The following HPS5 variants were observed in gnomAD, a reference collection of about 807,000 sequenced individuals.
The protein encoded by HPS5 is BLOC-2 complex member HPS5.
A neutral mutation model predicts 128.0 loss-of-function variants in HPS5; 83 were observed. The observed-to-expected ratio is 0.65, with a 90% CI of 0.54 to 0.78. HPS5 has a LOEUF of 0.78. HPS5 is among the 30% of genes least tolerant of loss of function. The pLI is 0.00. For missense variants in HPS5, 1,281 were observed against 1,326.2 expected (o/e 0.97, Z 0.53); for synonymous variants, 475 against 470.2 (o/e 1.01, Z -0.13).
chr11:18,310,689 A>T, intron 5 of HPS5, 52 bp downstream of exon 5: 1 of 1,381,682 alleles, frequency 7.2e-7, no homozygotes, highest in Admixed American at 1.9e-5. Context: ...AAGTTTTATA[A>T]GACAACACCT....
At chr11:18,312,065 C>T (rs1456504220) in intron 2 of HPS5, 41 bp from the exon 3 acceptor site, 2 of 1,437,496 alleles carry the variant, frequency 1.4e-6, no homozygotes, top group Non-Finnish European at 2.0e-6. Flanking sequence ...ATCACAGCTA[C>T]TTAACCAAAT....
At chr11:18,283,329 A>G (rs778700810) in intron 21 of HPS5, among the ~76,000 whole-genome samples, 4 of 94,890 alleles carry the variant, frequency 4.2e-5, no homozygotes, top group Non-Finnish European at 7.5e-5. Flanking sequence ...ATGGGAAATT[A>G]AAAAAAAAAA....
chr11:18,293,090 C>A, intron 14 of HPS5, 114 bp from the exon 15 acceptor site: 1 of 806,728 alleles, frequency 1.2e-6, no homozygotes, highest in South Asian at 1.4e-5. Context: ...GACGTGATCT[C>A]GGTTCATTGC....
Position 18,282,022 on chromosome 11 carries a change from C to A in HPS5, c.3257G>T (p.Gly1086Val), listed in dbSNP as rs773390398. The change falls in exon 22 of 23, where the codon GGT becomes GTT. Residue 1086 changes from glycine (G) to valine (V), a missense_variant. Gly to Val is a moderately radical substitution (Grantham distance 109). Coordinates refer to ENST00000349215, the MANE Select transcript of HPS5 (RefSeq NM_181507.2). Reference sequence around the variant, plus strand: ...CTTCTCTGACAACTCAAGGGCCAGACCACATTCCTGTAGCAGTGACCAAGC... The same window carrying A: ...CTTCTCTGACAACTCAAGGGCCAGAACACATTCCTGTAGCAGTGACCAAGC... ...DRAWSLLQEC[G>V]LALELSEKFT... 9.9e-6 allele frequency: 16 copies of A among 1,614,212 alleles called. No homozygotes were observed. In the East Asian group the frequency reaches 3.6e-4, roughly 36 times the overall value.
At chr11:18,287,210 T>C (rs1859857151) in intron 18 of HPS5, among the ~76,000 whole-genome samples, 1 of 152,188 alleles carries the variant, frequency 6.6e-6, no homozygotes, top group South Asian at 2.1e-4. Flanking sequence ...CTGAGATCTA[T>C]GTCAATAAAA....
chr11:18,305,453 A>T lies in HPS5; in HGVS notation c.865T>A (p.Ser289Thr), dbSNP rs148986553. 1.2e-4 allele frequency: 193 copies of T among 1,611,088 alleles called. 2 individuals carry two copies. In the African/African-American group the frequency reaches 1.6e-3, roughly 14 times the overall value. Residue 289 changes from serine (S) to threonine (T), a missense_variant, in exon 8 of 23, where the codon TCT becomes ACT. Transcript: ENST00000349215. ...QYDHTAGSSQ[S>T]LSFPKLLHLS... is the part of the protein sequence containing the mutation. ...TGTAAGAGTTTGGGGAAAGACAAAG[A>T]CTGGGAGGATCCAGCTGTATGATCA...
intron 2 of HPS5, among the ~76,000 whole-genome samples, chr11:18,315,419 C>A (rs906206200): frequency 3.9e-5 from 6 of 152,012 alleles, no homozygotes; most frequent in African/African-American, 7.3e-5. Flanking sequence ...TTGGGACGAG[C>A]CTGGCCAACA....
At chr11:18,289,071 C>T (rs886197407) in intron 16 of HPS5, among the ~76,000 whole-genome samples, 29 of 152,142 alleles carry the variant, frequency 1.9e-4, no homozygotes, top group African/African-American at 6.5e-4. Context: ...CCTCTGAAGA[C>T]AAATCCCAAA....
At position 18,311,946 on chromosome 11, in the gene HPS5, C is replaced by A. The variant is rs770316111; in HGVS notation, c.187G>T (p.Gly63Cys). Reference protein sequence around the residue: ...GGGLHLIQKEGWKHRLFLSHR... With the variant: ...GGGLHLIQKECWKHRLFLSHR... ...GAAAGAAAAAGCCTGTGCTTCCAGC[C>A]TTCTTTCTGAATGAGATGGAGTCCT... Residue 63 changes from glycine to cysteine, a missense_variant, in exon 3 of 23, where the codon GGC (glycine) becomes TGC (cysteine). Gly to Cys is a radical substitution (Grantham distance 159). Coordinates refer to ENST00000349215, the MANE Select transcript of HPS5 (RefSeq NM_181507.2). The A allele has an allele frequency of 1.9e-6, 3 of 1,613,830 alleles. No individual in the cohort carries two copies. Among genetic ancestry groups the A allele is most frequent in the African/African-American group, 2.7e-5 (2 of 74,896 alleles).
chr11:18,285,985 C>G (rs185829907), intron 19 of HPS5, among the ~76,000 whole-genome samples: 41 of 152,328 alleles, frequency 2.7e-4, no homozygotes, highest in African/African-American at 9.4e-4. Context: ...GGCTTAATCA[C>G]CAAGGTCTCT....
At chr11:18,316,768 G>C (rs1430285615) in intron 2 of HPS5, among the ~76,000 whole-genome samples, 5 of 152,180 alleles carry the variant, frequency 3.3e-5, no homozygotes, top group African/African-American at 9.7e-5. Flanking sequence ...CTGTTTGTCA[G>C]GAATTCTCAT....
chr11:18,297,508 A>G (rs1162085963), intron 11 of HPS5, 51 bp downstream of exon 11: 8 of 1,556,566 alleles, frequency 5.1e-6, no homozygotes, highest in Non-Finnish European at 6.2e-6. Context: ...AGAACAACCG[A>G]AGATGGAAAA....
chr11:18,310,519 AAGTACTGAAGT>A (rs1400038032), intron 5 of HPS5, among the ~76,000 whole-genome samples: 1 of 152,234 alleles, frequency 6.6e-6, no homozygotes, highest in Non-Finnish European at 1.5e-5. Flanking sequence ...ATAATGTGCA[AAGTACTGAAGT>A]TAGTTCACAA....
intron 8 of HPS5, 104 bp downstream of exon 8, chr11:18,305,318 T>C: frequency 1.3e-6 from 1 of 743,134 alleles, no homozygotes; most frequent in Non-Finnish European, 2.4e-6. Flanking sequence ...CTATAAGTAA[T>C]TTAGTGCAAA....
Position 18,296,060 on chromosome 11 carries a change from C to T in HPS5, c.1573G>A (p.Gly525Ser), listed in dbSNP as rs745994231. 23 of 1,613,026 alleles carry T rather than the reference C, an allele frequency of 1.4e-5. No individual in the cohort carries two copies. Among genetic ancestry groups the T allele is most frequent in the East Asian group, 1.1e-4 (5 of 44,870 alleles). Residue 525 changes from glycine (G) to serine (S), a missense_variant, in exon 13 of 23, where the codon GGC (glycine) becomes AGC (serine). Gly to Ser is a moderately conservative substitution (Grantham distance 56, BLOSUM62 0). Coordinates refer to ENST00000349215, the MANE Select transcript of HPS5 (RefSeq NM_181507.2). ...TDKNETFLPF[G>S]IPLPFRSPSP... Reference sequence around the variant, plus strand: ...GGAGAACGAAATGGTAATGGAATGCCGAACGGGAGAAAAGTTTCATTCTTA... The same window carrying T: ...GGAGAACGAAATGGTAATGGAATGCTGAACGGGAGAAAAGTTTCATTCTTA...
intron 16 of HPS5, among the ~76,000 whole-genome samples, chr11:18,288,734 C>CTGTGTG (rs35752943): frequency 0.018 from 2,737 of 149,754 alleles, 43 homozygotes; most frequent in South Asian, 0.049. Context: ...GAACTCCTGG[C>CTGTGTG]TGTGTGTGTG....
At chr11:18,317,645 G>C (rs1041502574) in intron 2 of HPS5, 106 bp downstream of exon 2, 18 of 1,085,360 alleles carry the variant, frequency 1.7e-5, no homozygotes, top group Non-Finnish European at 2.2e-5. Context: ...GACTAGGACA[G>C]GTAAGAACAC....
chr11:18,290,182 C>T lies in HPS5; in HGVS notation c.2440+1260G>A, dbSNP rs531253835. Among the ~76,000 whole-genome samples, 20 of 152,294 alleles carry T rather than the reference C, an allele frequency of 1.3e-4. No individual in the cohort carries two copies. The South Asian group carries it at 4.1e-3, about 32-fold the overall frequency. ...CCACATCCCTTAAGGGAAGATGGAG[C>T]TGAAAATAATGGAAGGAACTTGGAA... On this transcript the variant is annotated intron_variant, in intron 16 of 22. Transcript: ENST00000349215.
In HPS5 at chr11:18,297,662, T is replaced by C. The variant is rs778532780; in HGVS notation, c.1220A>G (p.His407Arg). The change falls in exon 11 of 23, where the codon CAT becomes CGT. Residue 407 changes from histidine to arginine, a missense_variant. By Grantham distance (29) the His-to-Arg change is conservative. Transcript: ENST00000349215. Reference sequence around the variant, plus strand: ...AGAAATTAGATCATTGTAGGTGCCATGGTCCAGCTGAGATTTCAAATGCTC... The same window carrying C: ...AGAAATTAGATCATTGTAGGTGCCACGGTCCAGCTGAGATTTCAAATGCTC... ...KLEHLKSQLDHGTYNDLISQL... is the reference protein window; with the variant it reads ...KLEHLKSQLDRGTYNDLISQL... The C allele has an allele frequency of 1.4e-4, 233 of 1,613,940 alleles. No homozygotes were observed. The highest frequency in any genetic ancestry group is 1.9e-4 in the Non-Finnish European group (228 of 1,179,894).
Sources: gnomAD v4.1 joint callset for allele counts (sites outside exome capture counted in the v4.1 genomes callset) on GRCh38, gnomAD v4.1.1 for gene constraint, MANE v1.5 for transcripts, NCBI Gene and HGNC (gene_info 2026-07-23, HGNC 2026-07-21) for gene names.